The following FKBP5 variants were observed in gnomAD, a reference collection of about 807,000 sequenced individuals.
FKBP5 encodes peptidyl-prolyl cis-trans isomerase FKBP5.
FKBP5 carries 23 observed loss-of-function variants against 50.5 expected under a neutral mutation model. The ratio of observed to expected loss-of-function variants is 0.46; its 90% CI spans 0.33 to 0.65. The LOEUF (loss-of-function observed/expected upper bound fraction) is 0.65. Among genes scored for constraint, FKBP5 ranks in the 30% least tolerant of loss-of-function variants. The probability of loss-of-function intolerance (pLI) is 0.02; values close to 1 mark genes in which losing one functional copy is unlikely to be tolerated. For missense variants in FKBP5, 411 were observed against 553.1 expected (o/e 0.74, Z 2.58); for synonymous variants, 176 against 190.6 (o/e 0.92, Z 0.63).
upstream of FKBP5, among the ~76,000 whole-genome samples, chr6:35,691,793 G>C (rs115745065): frequency 0.023 from 3,513 of 152,258 alleles, 89 homozygotes; most frequent in African/African-American, 0.055. Context: ...ACCTGGATGT[G>C]GGATGAGCAG....
chr6:35,634,292 G>C (rs1037107849), intron 3 of FKBP5, among the ~76,000 whole-genome samples: 1 of 152,080 alleles, frequency 6.6e-6, no homozygotes, highest in Non-Finnish European at 1.5e-5. Context: ...ACCCATTCTG[G>C]CAGCCCTGGA....
intron 7 of FKBP5, among the ~76,000 whole-genome samples, chr6:35,588,430 TC>T (rs1333790487): frequency 6.6e-6 from 1 of 152,218 alleles, no homozygotes; most frequent in East Asian, 1.9e-4. Context: ...TAGTTATGGT[TC>T]AATTCCAGGT....
At chr6:35,592,559 C>G (rs1164420158) in intron 6 of FKBP5, among the ~76,000 whole-genome samples, 1 of 152,190 alleles carries the variant, frequency 6.6e-6, no homozygotes, top group African/African-American at 2.4e-5. Context: ...TTTCTGCCAT[C>G]TAATAAATTT....
chr6:35,712,211 T>C (rs1037813299), intron 2 of FKBP5, among the ~76,000 whole-genome samples: 1 of 151,676 alleles, frequency 6.6e-6, no homozygotes, highest in Non-Finnish European at 1.5e-5. Flanking sequence ...TTGCGAATAA[T>C]TGTTTGTTAC....
chr6:35,598,511 C>T (rs1156617044), intron 5 of FKBP5, among the ~76,000 whole-genome samples: 2 of 152,064 alleles, frequency 1.3e-5, no homozygotes, highest in South Asian at 4.2e-4. Flanking sequence ...GTATGCGCCA[C>T]CAGGTCTGGC....
At chr6:35,645,156 C>T (rs530030842) in intron 1 of FKBP5, among the ~76,000 whole-genome samples, 1 of 152,326 alleles carries the variant, frequency 6.6e-6, no homozygotes, top group African/African-American at 2.4e-5. Context: ...TGTGCTATCA[C>T]CTATGTGCTA....
intron 3 of FKBP5, among the ~76,000 whole-genome samples, chr6:35,632,044 G>A (rs1764176383): frequency 6.6e-6 from 1 of 151,686 alleles, no homozygotes; most frequent in Non-Finnish European, 1.5e-5. Context: ...TATATTTGCT[G>A]GGGGGAGTAG....
upstream of FKBP5, among the ~76,000 whole-genome samples, chr6:35,689,692 T>C (rs767581700): frequency 4.6e-5 from 7 of 151,412 alleles, no homozygotes; most frequent in Non-Finnish European, 8.8e-5. Context: ...AATACAAAAA[T>C]TAGCTGGGCT....
intron 1 of FKBP5, among the ~76,000 whole-genome samples, chr6:35,654,839 C>A (rs924756542): frequency 6.6e-6 from 1 of 152,134 alleles, no homozygotes; most frequent in African/African-American, 2.4e-5. Flanking sequence ...CAGCTCTGTA[C>A]CAAGACAAGA....
chr6:35,656,560 C>T (rs1224303475), intron 1 of FKBP5, among the ~76,000 whole-genome samples: 1 of 152,198 alleles, frequency 6.6e-6, no homozygotes, highest in East Asian at 1.9e-4. Context: ...TACCCACTTA[C>T]ATGTGGTATT....
At chr6:35,627,503 G>A (rs1051220767) in intron 3 of FKBP5, among the ~76,000 whole-genome samples, 1 of 152,028 alleles carries the variant, frequency 6.6e-6, no homozygotes, top group Non-Finnish European at 1.5e-5. Context: ...AGTTGTTTGT[G>A]TATTCTGGGT....
At chr6:35,606,911 A>C (rs977200556) in intron 5 of FKBP5, among the ~76,000 whole-genome samples, 2 of 152,176 alleles carry the variant, frequency 1.3e-5, no homozygotes, top group Non-Finnish European at 2.9e-5. Context: ...GCTGGCATTT[A>C]CACTGACATG....
chr6:35,581,698 G>A (rs1404751460), intron 8 of FKBP5: 8 of 985,288 alleles, frequency 8.1e-6, no homozygotes, highest in African/African-American at 5.2e-5. Flanking sequence ...TGGTAAATAC[G>A]CAAATAGAAA....
intron 3 of FKBP5, among the ~76,000 whole-genome samples, chr6:35,623,038 C>G (rs964832265): frequency 6.6e-6 from 1 of 151,818 alleles, no homozygotes; most frequent in Non-Finnish European, 1.5e-5. Context: ...GTCAGGAGAT[C>G]GAAACCATCC....
intron 3 of FKBP5, 121 bp downstream of exon 3, chr6:35,636,893 T>C: frequency 2.3e-6 from 2 of 856,842 alleles, no homozygotes; most frequent in Non-Finnish European, 3.3e-6. Context: ...CTCAGACCAT[T>C]CTTTGAGTAC....
At chr6:35,642,929 C>A in intron 1 of FKBP5, 86 bp from the exon 2 acceptor site, 2 of 931,198 alleles carry the variant, frequency 2.1e-6, no homozygotes, top group Non-Finnish European at 3.3e-6. Context: ...CTCTACCTAA[C>A]CTAAGATTTA....
At chr6:35,600,116 A>G (rs1763097329) in intron 5 of FKBP5, among the ~76,000 whole-genome samples, 1 of 152,254 alleles carries the variant, frequency 6.6e-6, no homozygotes, top group Non-Finnish European at 1.5e-5. Flanking sequence ...GTATCTAAAC[A>G]TTGAGAAGGT....
intron 1 of FKBP5, among the ~76,000 whole-genome samples, chr6:35,669,815 T>C (rs1309157158): frequency 6.6e-6 from 1 of 152,204 alleles, no homozygotes; most frequent in Non-Finnish European, 1.5e-5. Flanking sequence ...TTCTCTCTTC[T>C]GAAAAATTGA....
At chr6:35,724,618 C>G (rs1209602085) in intron 1 of FKBP5, among the ~76,000 whole-genome samples, 1 of 151,948 alleles carries the variant, frequency 6.6e-6, no homozygotes, top group Admixed American at 6.6e-5. Flanking sequence ...TGGTTCACAC[C>G]TGTAATCCCA....
Sources: allele counts gnomAD v4.1 joint callset (sites outside exome capture counted in the v4.1 genomes callset), GRCh38; gene constraint gnomAD v4.1.1; transcripts MANE v1.5; gene names NCBI Gene and HGNC (gene_info 2026-07-23, HGNC 2026-07-21).